GRIK4: variants seen among roughly 807,000 people sequenced by gnomAD.
GRIK4 encodes glutamate receptor ionotropic, kainate 4.
In GRIK4, 40 loss-of-function variants were observed where a neutral mutation model predicts 104.9. The observed-to-expected ratio is 0.38, with a 90% CI of 0.30 to 0.50. GRIK4 has a LOEUF of 0.50. Among genes scored for constraint, GRIK4 ranks in the 20% least tolerant of loss-of-function variants. The pLI is 0.93. For synonymous variants in GRIK4, 485 were observed against 524.9 expected, an observed-to-expected ratio of 0.92 and a Z score of 1.04; for missense variants, 1,047 against 1,308.1, an observed-to-expected ratio of 0.80 and a Z score of 3.08.
chr11:120,687,327 C>A (rs1053427353), intron 3 of GRIK4, among the ~76,000 whole-genome samples: 1 of 152,168 alleles, frequency 6.6e-6, no homozygotes, highest in Admixed American at 6.5e-5. Flanking sequence ...CTTTAATGAA[C>A]CTCCAGCGCT....
At chr11:120,918,626 G>A (rs1943162712) in intron 13 of GRIK4, among the ~76,000 whole-genome samples, 1 of 152,158 alleles carries the variant, frequency 6.6e-6, no homozygotes, top group African/African-American at 2.4e-5. Context: ...AGCTTGCCAA[G>A]GCATGTGCCC....
chr11:120,629,093 T>TGTA (rs2135179268), intron 1 of GRIK4, among the ~76,000 whole-genome samples: 1 of 151,984 alleles, frequency 6.6e-6, no homozygotes, highest in South Asian at 2.1e-4. Context: ...GGAAGCCTGG[T>TGTA]GTAGCCATGG....
chr11:120,808,984 CT>C lies in GRIK4; in HGVS notation c.247+6128del, dbSNP rs1451746481. Among the ~76,000 whole-genome samples the C allele has an allele frequency of 2.6e-5, 4 of 152,280 alleles. No individual in the cohort carries two copies. In the East Asian group the frequency reaches 7.7e-4, roughly 29 times the overall value. ...CTGTCAGGCAGGAGGACCTGGCCCC[CT>C]GGGTCCATCCAGGAAGCTGCTCCTT... On this transcript the variant is annotated intron_variant, in intron 4 of 20. Coordinates refer to ENST00000527524, the MANE Select transcript of GRIK4 (RefSeq NM_014619.5).
chr11:120,543,263 T>A (rs1029959943), intron 1 of GRIK4, among the ~76,000 whole-genome samples: 1 of 151,930 alleles, frequency 6.6e-6, no homozygotes, highest in Non-Finnish European at 1.5e-5. Flanking sequence ...AACCTAAAAG[T>A]TAAAACAACA....
intron 1 of GRIK4, among the ~76,000 whole-genome samples, chr11:120,587,936 C>A (rs770113878): frequency 2.6e-5 from 4 of 152,200 alleles, no homozygotes; most frequent in Non-Finnish European, 4.4e-5. Context: ...CTAATTCCAT[C>A]CTGATATGGC....
At chr11:120,862,170 G>GC in intron 9 of GRIK4, 50 bp downstream of exon 9, 2 of 1,538,646 alleles carry the variant, frequency 1.3e-6, no homozygotes, top group Non-Finnish European at 1.8e-6. Context: ...TCTGCACATT[G>GC]CCCCTCTGTG....
At chr11:120,934,403 G>T (rs944979881) in intron 13 of GRIK4, among the ~76,000 whole-genome samples, 5 of 152,078 alleles carry the variant, frequency 3.3e-5, no homozygotes, top group African/African-American at 1.2e-4. Flanking sequence ...TTCTCAGGAA[G>T]CCCGGAGTGG....
At chr11:120,624,561 C>G (rs1004692668) in intron 1 of GRIK4, among the ~76,000 whole-genome samples, 1 of 152,178 alleles carries the variant, frequency 6.6e-6, no homozygotes, top group Admixed American at 6.5e-5. Context: ...TCTCAGCACC[C>G]TGCCCAGAGT....
Position 120,727,859 on chromosome 11 carries a change from G to A in GRIK4, c.82+67459G>A, listed in dbSNP as rs577925084. Among the ~76,000 whole-genome samples, 5 of 151,880 alleles carry A rather than the reference G, an allele frequency of 3.3e-5. No homozygotes were observed. In the South Asian group the frequency reaches 1.0e-3, roughly 32 times the overall value. On this transcript the variant is annotated intron_variant, in intron 3 of 20. Coordinates refer to ENST00000527524, the MANE Select transcript of GRIK4 (RefSeq NM_014619.5). ...CTTATGAGAAACAAAAAGCACAAAG[G>A]GAGGAAAATTTTAGAATCAAAAAGA...
chr11:120,744,564 AC>A (rs1260065745), intron 3 of GRIK4, among the ~76,000 whole-genome samples: 1 of 152,156 alleles, frequency 6.6e-6, no homozygotes, highest in African/African-American at 2.4e-5. Context: ...CCAGCAACTG[AC>A]TGGGCAGTCA....
intron 14 of GRIK4, among the ~76,000 whole-genome samples, chr11:120,941,319 G>C (rs1207484813): frequency 2.6e-5 from 4 of 152,140 alleles, no homozygotes; most frequent in Admixed American, 2.6e-4. Context: ...TGTACCTCGA[G>C]GCTGCCCAAC....
rs568941439 is a variant in GRIK4, at chr11:120,599,974, C to T, written c.-158-53711C>T. Among the ~76,000 whole-genome samples the T allele has an allele frequency of 3.9e-4, 59 of 152,320 alleles. 2 individuals are homozygous for T. In the South Asian group the frequency reaches 0.011, roughly 29 times the overall value. On this transcript the variant is annotated intron_variant, in intron 1 of 20. Transcript: ENST00000527524. ...CATTAGAGGCTGGTTTTAGGTTTGA[C>T]GCTTTCTCATGCTGGCATGAGCACC...
chr11:120,666,634 CAG>C lies in GRIK4; in HGVS notation c.82+6237_82+6238del, dbSNP rs1251149841. 2.0e-5 allele frequency among the ~76,000 whole-genome samples: 3 copies of C among 152,192 alleles called. No homozygotes were observed. The East Asian group carries it at 5.8e-4, about 29-fold the overall frequency. On this transcript the variant is annotated intron_variant, in intron 3 of 20. Transcript: ENST00000527524. ...GTTCCATATCTGAAGTCTTAGGTAA[CAG>C]AGCTGATTTCCATATCATTTTGGTA...
Position 120,956,452 on chromosome 11 carries a change from G to T in GRIK4, c.1701-328G>T, listed in dbSNP as rs1446489659. ...ATCCCTGGACTCAAGCAATCCACCC[G>T]CCTCGGCCTCCCAAAGTGCTGGGAT... On this transcript the variant is annotated intron_variant, in intron 15 of 20. Coordinates refer to ENST00000527524, the MANE Select transcript of GRIK4 (RefSeq NM_014619.5). The surrounding 1 kb of genome is among the most constrained non-coding windows in gnomAD (Gnocchi z 4.6). Among the ~76,000 whole-genome samples the T allele has an allele frequency of 6.6e-6, 1 of 151,898 alleles. No homozygotes were observed. Among genetic ancestry groups the T allele is most frequent in the Non-Finnish European group, 1.5e-5 (1 of 67,986 alleles).
At chr11:120,908,575 C>T (rs1942923256) in intron 13 of GRIK4, among the ~76,000 whole-genome samples, 1 of 152,078 alleles carries the variant, frequency 6.6e-6, no homozygotes, top group Admixed American at 6.5e-5. Context: ...TGCAAGTCCA[C>T]AGACACAGAG....
intron 4 of GRIK4, among the ~76,000 whole-genome samples, chr11:120,806,378 G>A (rs1952713101): frequency 6.6e-6 from 1 of 152,180 alleles, no homozygotes; most frequent in African/African-American, 2.4e-5. Context: ...GCCTTTTAAA[G>A]TTGTGGTGAG....
At chr11:120,725,206 A>G (rs1440123886) in intron 3 of GRIK4, among the ~76,000 whole-genome samples, 5 of 152,234 alleles carry the variant, frequency 3.3e-5, no homozygotes, top group African/African-American at 1.2e-4. Flanking sequence ...GCTCTTTACA[A>G]GAGTTAGCTG....
At chr11:120,596,313 TC>T (rs1432066482) in intron 1 of GRIK4, among the ~76,000 whole-genome samples, 8 of 152,244 alleles carry the variant, frequency 5.3e-5, no homozygotes, top group African/African-American at 1.9e-4. Context: ...TTGTCTCCAT[TC>T]TTACATTCTA....
chr11:120,643,704 A>G (rs755633552), intron 1 of GRIK4, among the ~76,000 whole-genome samples: 2 of 152,142 alleles, frequency 1.3e-5, no homozygotes, highest in African/African-American at 2.4e-5. Flanking sequence ...CCGGCTCTTC[A>G]TCTTTGAAGG....
Sources: gnomAD v4.1 joint callset for allele counts (sites outside exome capture counted in the v4.1 genomes callset) on GRCh38, gnomAD v4.1.1 for gene constraint, Gnocchi (gnomAD v3.1) non-coding constraint, MANE v1.5 for transcripts, NCBI Gene and HGNC (gene_info 2026-07-23, HGNC 2026-07-21) for gene names.